NUMB: variants seen among roughly 807,000 people sequenced by gnomAD.
NUMB encodes NUMB endocytic adaptor protein.
A neutral mutation model predicts 59.7 loss-of-function variants in NUMB; 29 were observed. The observed-to-expected ratio is 0.49, with a 90% CI of 0.36 to 0.66. The LOEUF (loss-of-function observed/expected upper bound fraction) is 0.66, where lower values mean the gene tolerates loss of function less well. Among genes scored for constraint, NUMB ranks in the 30% least tolerant of loss-of-function variants. The pLI is 0.00. For missense variants in NUMB, 723 were observed against 822.0 expected, an observed-to-expected ratio of 0.88 and a Z score of 1.47; for synonymous variants, 288 against 288.2, an observed-to-expected ratio of 1.00 and a Z score of 0.01.
At chr14:73,295,253 G>A (rs923223042) in intron 7 of NUMB, among the ~76,000 whole-genome samples, 16 of 152,016 alleles carry the variant, frequency 1.1e-4, no homozygotes, top group African/African-American at 3.6e-4. Context: ...TCCCAACATG[G>A]TATTAGTTCC....
At chr14:73,313,637 T>C (rs1316583157) in intron 6 of NUMB, among the ~76,000 whole-genome samples, 2 of 139,024 alleles carry the variant, frequency 1.4e-5, no homozygotes, top group East Asian at 4.2e-4. Context: ...CCAAAATATC[T>C]CATTATATAT....
chr14:73,445,100 G>T (rs1883378928), intron 1 of NUMB, among the ~76,000 whole-genome samples: 1 of 151,766 alleles, frequency 6.6e-6, no homozygotes, highest in African/African-American at 2.4e-5. Flanking sequence ...TAATTCAAAA[G>T]AATTTAGAGA....
intron 8 of NUMB, among the ~76,000 whole-genome samples, chr14:73,289,592 T>C (rs1409892110): frequency 6.6e-6 from 1 of 152,224 alleles, no homozygotes; most frequent in Non-Finnish European, 1.5e-5. Context: ...GTATTAGTTA[T>C]CATAAGGACA....
At chr14:73,442,707 C>T (rs8007519) in intron 1 of NUMB, among the ~76,000 whole-genome samples, 2,249 of 152,144 alleles carry the variant, frequency 0.015, 53 homozygotes, top group African/African-American at 0.048. Context: ...CTAGAAATTG[C>T]AAACTAATCC....
intron 6 of NUMB, among the ~76,000 whole-genome samples, chr14:73,306,630 T>A (rs760785545): frequency 1.4e-4 from 22 of 152,244 alleles, no homozygotes; most frequent in Non-Finnish European, 2.6e-4. Flanking sequence ...TAAGTTAGTT[T>A]AACTGGAATT....
chr14:73,412,729 G>A (rs1319286876), intron 1 of NUMB, among the ~76,000 whole-genome samples: 2 of 151,904 alleles, frequency 1.3e-5, no homozygotes, highest in African/African-American at 4.8e-5. Flanking sequence ...CCAAGCTCAA[G>A]TGATCCTTCT....
chr14:73,425,976 T>A (rs7161598), intron 1 of NUMB, among the ~76,000 whole-genome samples: 2 of 151,878 alleles, frequency 1.3e-5, no homozygotes, highest in African/African-American at 4.8e-5. Flanking sequence ...GCCCAGCTAA[T>A]TTTTTGTATT....
chr14:73,309,758 A>AT (rs71112728), intron 6 of NUMB, among the ~76,000 whole-genome samples: 33 of 126,996 alleles, frequency 2.6e-4, no homozygotes, highest in South Asian at 1.1e-3. Context: ...AATAATAATA[A>AT]AAATAGGATC....
intron 1 of NUMB, among the ~76,000 whole-genome samples, chr14:73,424,666 T>C (rs1232441709): frequency 6.6e-6 from 1 of 152,192 alleles, no homozygotes; most frequent in Non-Finnish European, 1.5e-5. Context: ...TAGGATCATT[T>C]ACCAACAAGC....
At chr14:73,282,250 G>T in intron 11 of NUMB, 109 bp downstream of exon 11, 1 of 979,044 alleles carries the variant, frequency 1.0e-6, no homozygotes, top group Non-Finnish European at 1.5e-6. Flanking sequence ...GAAATTAATG[G>T]GTCTGACCAG....
intron 1 of NUMB, among the ~76,000 whole-genome samples, chr14:73,413,555 CG>C (rs1231651226): frequency 6.6e-6 from 1 of 151,280 alleles, no homozygotes; most frequent in Admixed American, 6.6e-5. Context: ...GTCAGGAGTT[CG>C]AGACCAGCCT....
At chr14:73,434,486 T>C (rs1165074475) in intron 1 of NUMB, among the ~76,000 whole-genome samples, 2 of 152,204 alleles carry the variant, frequency 1.3e-5, no homozygotes, top group African/African-American at 4.8e-5. Flanking sequence ...TTCTCACAAG[T>C]GGCCCAAATA....
intron 1 of NUMB, among the ~76,000 whole-genome samples, chr14:73,452,160 G>A (rs1884030769): frequency 6.6e-6 from 1 of 152,132 alleles, no homozygotes; most frequent in African/African-American, 2.4e-5. Flanking sequence ...AGGAGTTCAA[G>A]ACCAGCCTGA....
chr14:73,451,078 C>T (rs186804765), intron 1 of NUMB, among the ~76,000 whole-genome samples: 119 of 139,636 alleles, frequency 8.5e-4, no homozygotes, highest in African/African-American at 2.9e-3. Context: ...TGCTTGAACC[C>T]AGGAGGCGGA....
At chr14:73,378,928 T>C (rs969390403) in intron 2 of NUMB, among the ~76,000 whole-genome samples, 28 of 152,190 alleles carry the variant, frequency 1.8e-4, no homozygotes, top group African/African-American at 6.0e-4. Flanking sequence ...TGCTGGAAGT[T>C]GATAGTGGGG....
intron 1 of NUMB, among the ~76,000 whole-genome samples, chr14:73,454,362 A>T (rs1293780404): frequency 1.3e-5 from 2 of 152,176 alleles, no homozygotes; most frequent in East Asian, 3.8e-4. Context: ...CTATTATATA[A>T]AATACTTTTT....
intron 1 of NUMB, among the ~76,000 whole-genome samples, chr14:73,457,082 AACTATT>A (rs1884430969): frequency 6.6e-6 from 1 of 152,178 alleles, no homozygotes; most frequent in Non-Finnish European, 1.5e-5. Context: ...ATAAAGTAGG[AACTATT>A]ACTATTAGTA....
rs1334355959 is a variant in NUMB, at chr14:73,275,946, T to C, written c.*632A>G. ...TTACAACTCATACAACTTCTTAATA[T>C]CTGAGAACTATTTAAAATATTCTAA... On this transcript the variant is annotated 3_prime_UTR_variant, in exon 13 of 13. Coordinates refer to ENST00000555238, the MANE Select transcript of NUMB (RefSeq NM_001005743.2). 1 of 152,688 alleles carries C rather than the reference T, an allele frequency of 6.5e-6. No individual in the cohort carries two copies. The highest frequency in any genetic ancestry group is 1.5e-5 in the Non-Finnish European group (1 of 68,050). The allele number at this position is 152,688 out of a possible 1,614,324, so 9.5% of individuals were successfully genotyped here. A position where few individuals can be genotyped will look rare whatever the true frequency, so the allele number is the denominator to read the frequency against.
intron 11 of NUMB, chr14:73,281,513 T>C (rs1464533439): frequency 6.6e-6 from 1 of 152,238 alleles, no homozygotes; most frequent in African/African-American, 2.4e-5. Flanking sequence ...GCACTATCTC[T>C]GGAGTAAAAC....
Sources: gnomAD v4.1 joint callset for allele counts (sites outside exome capture counted in the v4.1 genomes callset) on GRCh38, gnomAD v4.1.1 for gene constraint, MANE v1.5 for transcripts, NCBI Gene and HGNC (gene_info 2026-07-23, HGNC 2026-07-21) for gene names.